Variants in RGPD3 observed in about 807,000 individuals in gnomAD.
The protein encoded by RGPD3 is RANBP2 like and GRIP domain containing 3.
RGPD3 carries 62 observed loss-of-function variants against 154.5 expected under a neutral mutation model. That is an observed-to-expected ratio of 0.40 (90% CI 0.33 to 0.50). The LOEUF (loss-of-function observed/expected upper bound fraction) is 0.50. RGPD3 is among the 20% of genes least tolerant of loss of function. The pLI is 0.59. For synonymous variants in RGPD3, 308 were observed against 607.0 expected (o/e 0.51, Z 7.24); for missense variants, 919 against 1,716.8 (o/e 0.54, Z 8.21).
intron 1 of RGPD3, among the ~76,000 whole-genome samples, chr2:106,467,474 G>A (rs1678659258): frequency 7.9e-5 from 3 of 38,104 alleles, no homozygotes; most frequent in African/African-American, 3.2e-4. Context: ...GCGCGCCAGG[G>A]AGCAGCGCCC....
At chr2:106,432,365 G>C (rs1410555432) in intron 17 of RGPD3, among the ~76,000 whole-genome samples, 2 of 148,236 alleles carry the variant, frequency 1.3e-5, no homozygotes, top group Non-Finnish European at 1.5e-5. Flanking sequence ...AGGCAGGAGA[G>C]TCGCTTGAAC....
chr2:106,461,407 A>G (rs1022034537), intron 1 of RGPD3, among the ~76,000 whole-genome samples: 3 of 152,230 alleles, frequency 2.0e-5, no homozygotes, highest in African/African-American at 2.4e-5. Flanking sequence ...TGTAACTAGC[A>G]GGTGGGGAGC....
rs1431982269 is a variant in RGPD3, at chr2:106,466,202, G to C, written c.72+2015C>G. Among the ~76,000 whole-genome samples, 20 of 152,252 alleles carry C rather than the reference G, an allele frequency of 1.3e-4. No homozygotes were observed. The East Asian group carries it at 3.7e-3, about 28-fold the overall frequency. ...AAGCCGGGAGAAAGAGGAAGCGCCGGCGCCAACGGTCTCCCGCCCGCAGCG... is the reference window on the plus strand; with the variant it reads ...AAGCCGGGAGAAAGAGGAAGCGCCGCCGCCAACGGTCTCCCGCCCGCAGCG... On this transcript the variant is annotated intron_variant, in intron 1 of 22. Coordinates refer to ENST00000409886, the MANE Select transcript of RGPD3 (RefSeq NM_001144013.2).
chr2:106,436,607 A>T lies in RGPD3; in HGVS notation c.1459-18T>A. 6.2e-7 allele frequency: 1 copy of T among 1,611,502 alleles called. No individual in the cohort carries two copies. The highest frequency in any genetic ancestry group is 8.5e-7 in the Non-Finnish European group (1 of 1,179,754). The stretch of plus-strand genomic sequence containing the variant: ...AGAAATACCTGTTTCATTTAAGGAA[A>T]AGTTAAGTTAGAAAAAAAAATTAAA... On this transcript the variant is annotated intron_variant, in intron 10 of 22. Coordinates refer to ENST00000409886, the MANE Select transcript of RGPD3 (RefSeq NM_001144013.2).
intron 1 of RGPD3, among the ~76,000 whole-genome samples, chr2:106,467,586 T>C (rs1455088576): frequency 7.1e-6 from 1 of 139,870 alleles, no homozygotes; most frequent in Non-Finnish European, 1.5e-5. Flanking sequence ...TCGGGAGCCA[T>C]GATGCCTGAG....
intron 1 of RGPD3, among the ~76,000 whole-genome samples, chr2:106,465,795 G>A (rs1352906337): frequency 1.3e-5 from 2 of 151,764 alleles, no homozygotes; most frequent in South Asian, 2.1e-4. Context: ...AGGGAGGTGA[G>A]TATGAGGAGT....
intron 22 of RGPD3, among the ~76,000 whole-genome samples, chr2:106,405,501 A>G: frequency 6.7e-6 from 1 of 150,324 alleles, no homozygotes; most frequent in Non-Finnish European, 1.5e-5. Context: ...TCAGCCTCCC[A>G]AGCAACTGGG....
At chr2:106,470,118 A>G (rs1678778356), upstream of RGPD3, among the ~76,000 whole-genome samples, 1 of 152,230 alleles carries the variant, frequency 6.6e-6, no homozygotes, top group Non-Finnish European at 1.5e-5. Context: ...TAATACTAAT[A>G]AAGCACTGAG....
At chr2:106,464,429 T>C (rs1473865112) in intron 1 of RGPD3, among the ~76,000 whole-genome samples, 6 of 148,422 alleles carry the variant, frequency 4.0e-5, no homozygotes, top group Admixed American at 6.7e-5. Context: ...TACTCAGAAG[T>C]ATGAAGTATA....
intron 6 of RGPD3, 146 bp from the exon 7 acceptor site, chr2:106,447,759 T>A (rs1372853196): frequency 1.8e-5 from 4 of 224,088 alleles, no homozygotes; most frequent in African/African-American, 5.2e-5. Flanking sequence ...CCCCGTGTTA[T>A]AAATTATGAA....
chr2:106,408,663 A>G (rs1298533260), intron 22 of RGPD3, among the ~76,000 whole-genome samples: 2 of 149,708 alleles, frequency 1.3e-5, no homozygotes, highest in Non-Finnish European at 3.0e-5. Context: ...TGTTTCACAT[A>G]TTATTTTTAT....
intron 1 of RGPD3, among the ~76,000 whole-genome samples, chr2:106,464,239 G>T (rs1573305269): frequency 6.6e-6 from 1 of 151,680 alleles, no homozygotes; most frequent in Admixed American, 6.6e-5. Context: ...CCAGCTACAG[G>T]CTGGGGCAGG....
At position 106,413,179 on chromosome 2, in the gene RGPD3, T is replaced by C. The variant is rs1302857775; in HGVS notation, c.5171A>G (p.Lys1724Arg). ...AAGTCTCTCTCTTTCACTACCTGGC[T>C]TCAAGAAAATGAACTGCAGCAAGAC... The part of the protein sequence containing the change: ...KNVLLQFIFL[K>R]PGSERERLLP... The change falls in exon 22 of 23, where the codon AAG becomes AGG. Residue 1724 changes from lysine to arginine, a missense_variant. Lys to Arg is a conservative substitution (Grantham distance 26). Coordinates refer to ENST00000409886, the MANE Select transcript of RGPD3 (RefSeq NM_001144013.2). The C allele has an allele frequency of 6.2e-7, 1 of 1,611,968 alleles. No homozygotes were observed. Among genetic ancestry groups the C allele is most frequent in the South Asian group, 1.1e-5 (1 of 90,962 alleles).
intron 22 of RGPD3, among the ~76,000 whole-genome samples, chr2:106,406,978 C>T (rs1191897005): frequency 1.1e-4 from 16 of 151,802 alleles, no homozygotes; most frequent in African/African-American, 3.9e-4. Flanking sequence ...AACTTAGTAC[C>T]TTAACACATA....
intron 7 of RGPD3, among the ~76,000 whole-genome samples, chr2:106,445,236 C>T (rs1677875076): frequency 6.8e-6 from 1 of 147,218 alleles, no homozygotes. Context: ...TTGCAGTGAG[C>T]CGAGGTCGTG....
chr2:106,436,305 T>A (rs542988720), intron 11 of RGPD3, 59 bp from the exon 12 acceptor site: 1 of 1,610,936 alleles, frequency 6.2e-7, no homozygotes, highest in East Asian at 2.2e-5. Context: ...AGCGCTTACA[T>A]ACATATATGT....
chr2:106,466,351 C>T (rs1427003656), intron 1 of RGPD3, among the ~76,000 whole-genome samples: 7 of 150,378 alleles, frequency 4.7e-5, no homozygotes, highest in Admixed American at 1.3e-4. Context: ...ACGCCTGAGC[C>T]ATCGAGGCCG....
intron 6 of RGPD3, among the ~76,000 whole-genome samples, chr2:106,448,754 A>T (rs1678011088): frequency 6.6e-6 from 1 of 151,860 alleles, no homozygotes; most frequent in South Asian, 2.1e-4. Flanking sequence ...GCAGTGACAC[A>T]ATCTTGGCTT....
chr2:106,425,084 C>G lies in RGPD3; in HGVS notation c.2883G>C (p.Val961=). ...DISGRKKGRG[V]IFGQTSSTFT... ...AAGTGCTACTTGTTTGGCCAAAAATCACACCACGGCCCTTCTTCCGGCCAC... is the reference window on the plus strand; with the variant it reads ...AAGTGCTACTTGTTTGGCCAAAAATGACACCACGGCCCTTCTTCCGGCCAC... The change falls in exon 20 of 23, where the codon GTG becomes GTC. Residue 961 remains valine (V), a synonymous_variant. Coordinates refer to ENST00000409886, the MANE Select transcript of RGPD3 (RefSeq NM_001144013.2). 2 of 1,611,944 alleles carry G rather than the reference C, an allele frequency of 1.2e-6. No individual in the cohort carries two copies. Among genetic ancestry groups the G allele is most frequent in the Non-Finnish European group, 1.7e-6 (2 of 1,179,860 alleles).
Sources: gnomAD v4.1 joint callset for allele counts (sites outside exome capture counted in the v4.1 genomes callset) on GRCh38, gnomAD v4.1.1 for gene constraint, MANE v1.5 for transcripts, NCBI Gene and HGNC (gene_info 2026-07-23, HGNC 2026-07-21) for gene names.